TTC39B: variants seen among roughly 807,000 people sequenced by gnomAD.
TTC39B encodes tetratricopeptide repeat domain 39B.
Under a neutral mutation model 96.6 loss-of-function variants are expected in TTC39B, and 92 were observed. That is an observed-to-expected ratio of 0.95 (90% CI 0.80 to 1.13). The LOEUF (loss-of-function observed/expected upper bound fraction) is 1.13. Among genes scored for constraint, TTC39B ranks in the 50% most tolerant of loss-of-function variants. The pLI is 0.00. For synonymous variants in TTC39B, 367 were observed against 299.4 expected (o/e 1.23, Z -2.33); for missense variants, 955 against 809.3 (o/e 1.18, Z -2.18).
intron 3 of TTC39B, among the ~76,000 whole-genome samples, chr9:15,216,565 T>C (rs1308730138): frequency 6.6e-6 from 1 of 152,188 alleles, no homozygotes; most frequent in Non-Finnish European, 1.5e-5. Flanking sequence ...TAACAGTCCA[T>C]CACGAAATTT....
intron 2 of TTC39B, among the ~76,000 whole-genome samples, chr9:15,245,839 C>G (rs1822248903): frequency 6.6e-6 from 1 of 152,176 alleles, no homozygotes; most frequent in Non-Finnish European, 1.5e-5. Flanking sequence ...GAAAAGTAAA[C>G]CATGCATGAA....
chr9:15,270,483 A>T (rs561759252), intron 1 of TTC39B, among the ~76,000 whole-genome samples: 252 of 152,228 alleles, frequency 1.7e-3, no homozygotes, highest in Middle Eastern at 3.4e-3. Flanking sequence ...CACAAACCTC[A>T]GCATGGACAC....
At chr9:15,273,355 T>C (rs1211121111) in intron 1 of TTC39B, among the ~76,000 whole-genome samples, 2 of 152,160 alleles carry the variant, frequency 1.3e-5, no homozygotes, top group Admixed American at 6.5e-5. Flanking sequence ...TGACAAATAT[T>C]ACTGCAAGAA....
intron 2 of TTC39B, among the ~76,000 whole-genome samples, chr9:15,237,984 A>G (rs1821864543): frequency 6.6e-6 from 1 of 152,240 alleles, no homozygotes; most frequent in Admixed American, 6.5e-5. Flanking sequence ...GGTTCAACAT[A>G]TGCAAATCAA....
At chr9:15,283,262 C>T (rs573611898) in intron 1 of TTC39B, among the ~76,000 whole-genome samples, 1 of 152,286 alleles carries the variant, frequency 6.6e-6, no homozygotes, top group East Asian at 1.9e-4. Context: ...TATAAGTATG[C>T]TATTTCTTAA....
chr9:15,255,477 G>A (rs1041613855), intron 2 of TTC39B, among the ~76,000 whole-genome samples: 12 of 151,926 alleles, frequency 7.9e-5, no homozygotes, highest in African/African-American at 2.7e-4. Flanking sequence ...GAAGTTTGGC[G>A]CATTTCAAAA....
chr9:15,202,863 T>C (rs1384045494), intron 7 of TTC39B, among the ~76,000 whole-genome samples: 2 of 152,116 alleles, frequency 1.3e-5, no homozygotes, highest in African/African-American at 4.8e-5. Context: ...GAAGCCATTA[T>C]GTGAAAGTTT....
intron 1 of TTC39B, among the ~76,000 whole-genome samples, chr9:15,297,341 C>T (rs1356155988): frequency 6.6e-6 from 1 of 152,320 alleles, no homozygotes; most frequent in South Asian, 2.1e-4. Flanking sequence ...TCAACTCCTT[C>T]GTGTCGCCTA....
intron 7 of TTC39B, among the ~76,000 whole-genome samples, chr9:15,200,647 T>C (rs991917053): frequency 3.4e-4 from 51 of 152,226 alleles, no homozygotes; most frequent in African/African-American, 1.2e-3. Context: ...ATGGTACTAG[T>C]GGAGACAGTC....
At chr9:15,227,887 G>A (rs934738114) in intron 2 of TTC39B, among the ~76,000 whole-genome samples, 1 of 152,108 alleles carries the variant, frequency 6.6e-6, no homozygotes. Context: ...TAACATTCCT[G>A]ATTTTGAGGG....
intron 2 of TTC39B, among the ~76,000 whole-genome samples, chr9:15,252,974 G>A (rs2061729): frequency 0.14 from 21,732 of 152,060 alleles, 1,673 homozygotes; most frequent in African/African-American, 0.2. Context: ...GGAACTTTTC[G>A]AAAATTATAA....
intron 1 of TTC39B, among the ~76,000 whole-genome samples, chr9:15,276,566 T>C (rs948730813): frequency 1.3e-5 from 2 of 152,310 alleles, no homozygotes; most frequent in South Asian, 2.1e-4. Context: ...ACAAAGTCCA[T>C]GTCATGTGCT....
At chr9:15,165,693 G>A (rs1817504806) in exon 20 of TTC39B, 1 of 152,154 alleles carries the variant, frequency 6.6e-6, no homozygotes, top group African/African-American at 2.4e-5. Flanking sequence ...GCTGAGCAAA[G>A]GGGGAAAAGC....
At chr9:15,304,400 G>T (rs942738081) in intron 1 of TTC39B, among the ~76,000 whole-genome samples, 1 of 152,178 alleles carries the variant, frequency 6.6e-6, no homozygotes, top group East Asian at 1.9e-4. Context: ...TAATATCTAA[G>T]ATGCTTGTGC....
intron 1 of TTC39B, among the ~76,000 whole-genome samples, chr9:15,292,302 T>C (rs1007495526): frequency 1.3e-5 from 2 of 152,160 alleles, no homozygotes; most frequent in Non-Finnish European, 2.9e-5. Flanking sequence ...AGCTAAAAAG[T>C]TCCTGTCGCC....
Position 15,177,279 on chromosome 9 carries a change from G to A in TTC39B, c.1841+418C>T, listed in dbSNP as rs76954029. On this transcript the variant is annotated intron_variant, in intron 18 of 19. Transcript: ENST00000512701. ...GCTCAGGAGTTCCAGGCTGCAGTGA[G>A]CCATGATTGTACTACTTGCACTCCA... Among the ~76,000 whole-genome samples, 12 of 152,046 alleles carry A rather than the reference G, an allele frequency of 7.9e-5. No individual in the cohort carries two copies. In the East Asian group the frequency reaches 2.3e-3, roughly 29 times the overall value.
intron 1 of TTC39B, among the ~76,000 whole-genome samples, chr9:15,281,641 AAAAAAAAAAT>A (rs1245148989): frequency 1.3e-5 from 2 of 148,244 alleles, no homozygotes; most frequent in African/African-American, 5.2e-5. Context: ...AAAAAAAAAA[AAAAAAAAAAT>A]GGCAAAAAGC....
chr9:15,215,777 T>C (rs1820481319), intron 3 of TTC39B, among the ~76,000 whole-genome samples: 1 of 151,664 alleles, frequency 6.6e-6, no homozygotes, highest in Admixed American at 6.6e-5. Flanking sequence ...GGCAGGAGAA[T>C]TGCTTGAACC....
chr9:15,253,224 T>C (rs1025312030), intron 2 of TTC39B, among the ~76,000 whole-genome samples: 17 of 152,188 alleles, frequency 1.1e-4, no homozygotes, highest in African/African-American at 4.1e-4. Context: ...AACAGAGTCA[T>C]TATTGTGGGT....
Sources: allele counts gnomAD v4.1 joint callset (sites outside exome capture counted in the v4.1 genomes callset), GRCh38; gene constraint gnomAD v4.1.1; transcripts MANE v1.5; gene names NCBI Gene and HGNC (gene_info 2026-07-23, HGNC 2026-07-21).